The following TTC28 variants were observed in gnomAD, a reference collection of about 807,000 sequenced individuals.
TTC28 encodes tetratricopeptide repeat protein 28.
In TTC28, 61 loss-of-function variants were observed where a neutral mutation model predicts 198.0. The ratio of observed to expected loss-of-function variants is 0.31; its 90% CI spans 0.25 to 0.38. The LOEUF is 0.38. Ranked by LOEUF, TTC28 falls within the 10% of genes least tolerant of loss-of-function variation. The probability of loss-of-function intolerance (pLI) is 1.00; values close to 1 mark genes in which losing one functional copy is unlikely to be tolerated. For synonymous variants in TTC28, 1,171 were observed against 1,297.8 expected (o/e 0.90, Z 2.10); for missense variants, 2,678 against 3,164.0 (o/e 0.85, Z 3.69).
chr22:28,524,236 T>A (rs1179103405), intron 2 of TTC28, among the ~76,000 whole-genome samples: 1 of 151,928 alleles, frequency 6.6e-6, no homozygotes, highest in Non-Finnish European at 1.5e-5. Flanking sequence ...GACGGGCAGA[T>A]CACCAGGTCA....
chr22:28,486,031 A>G (rs909108879), intron 2 of TTC28, among the ~76,000 whole-genome samples: 2 of 152,156 alleles, frequency 1.3e-5, no homozygotes, highest in Admixed American at 6.5e-5. Flanking sequence ...CCATCTTGCC[A>G]AAAAGAAGAC....
chr22:28,407,901 C>T (rs1007937464), intron 2 of TTC28, among the ~76,000 whole-genome samples: 6 of 152,220 alleles, frequency 3.9e-5, no homozygotes, highest in Non-Finnish European at 8.8e-5. Context: ...AATCGAATGT[C>T]ATATAGTCAA....
intron 2 of TTC28, among the ~76,000 whole-genome samples, chr22:28,395,346 G>T (rs1486818583): frequency 6.6e-6 from 1 of 151,868 alleles, no homozygotes; most frequent in African/African-American, 2.4e-5. Flanking sequence ...CCCTTCCAGG[G>T]AGACAAGTGT....
At chr22:28,204,208 C>T (rs1926208580) in intron 5 of TTC28, among the ~76,000 whole-genome samples, 1 of 152,130 alleles carries the variant, frequency 6.6e-6, no homozygotes, top group East Asian at 1.9e-4. Flanking sequence ...CAGAGAAAGA[C>T]ATCCCACTCT....
chr22:28,155,941 C>CT (rs1216163633), intron 6 of TTC28, among the ~76,000 whole-genome samples: 10 of 152,102 alleles, frequency 6.6e-5, no homozygotes, highest in African/African-American at 2.4e-4. Flanking sequence ...GAAAACTCAA[C>CT]TAGTAGGTTG....
intron 2 of TTC28, among the ~76,000 whole-genome samples, chr22:28,408,144 G>A (rs1224645701): frequency 6.6e-6 from 1 of 151,912 alleles, no homozygotes; most frequent in East Asian, 1.9e-4. Context: ...GACTTCCTAA[G>A]AGTTGCACAG....
At chr22:28,338,060 T>C (rs574482450) in intron 2 of TTC28, among the ~76,000 whole-genome samples, 1 of 152,264 alleles carries the variant, frequency 6.6e-6, no homozygotes, top group Non-Finnish European at 1.5e-5. Flanking sequence ...TCTCAGCATT[T>C]GCTTGTCTGT....
chr22:28,096,300 G>T lies in TTC28; in HGVS notation c.3656C>A (p.Pro1219Gln), dbSNP rs1489306473. 1 of 1,551,944 alleles carries T rather than the reference G, an allele frequency of 6.4e-7. No individual in the cohort carries two copies. Among genetic ancestry groups the T allele is most frequent in the African/African-American group, 1.4e-5 (1 of 73,156 alleles). ...TGQQDSDPYS[P>Q]VTIDQILEMV... ...CTCTAAGATCTGATCAATAGTGACT[G>T]GGGAGTAGGGGTCGGAGTCTTGTTG... Residue 1219 changes from proline (P) to glutamine (Q), a missense_variant, in exon 11 of 23, where the codon CCA becomes CAA. Coordinates refer to ENST00000397906, the MANE Select transcript of TTC28 (RefSeq NM_001145418.2).
At chr22:28,623,638 A>G (rs2146191624) in intron 2 of TTC28, among the ~76,000 whole-genome samples, 1 of 152,352 alleles carries the variant, frequency 6.6e-6, no homozygotes, top group Admixed American at 6.5e-5. Flanking sequence ...GATAAACCAC[A>G]TGCAAGGCCA....
chr22:28,329,700 A>AT, intron 2 of TTC28, among the ~76,000 whole-genome samples: 1 of 152,136 alleles, frequency 6.6e-6, no homozygotes, highest in African/African-American at 2.4e-5. Context: ...TTAGGTAGTT[A>AT]TTTATGTGAC....
intron 5 of TTC28, among the ~76,000 whole-genome samples, chr22:28,277,197 G>T (rs969091008): frequency 6.6e-6 from 1 of 152,302 alleles, no homozygotes; most frequent in Admixed American, 6.5e-5. Flanking sequence ...GTCTGCAGAA[G>T]AATATGTATT....
chr22:28,546,305 G>C (rs1055348492), intron 2 of TTC28, among the ~76,000 whole-genome samples: 1 of 152,158 alleles, frequency 6.6e-6, no homozygotes, highest in African/African-American at 2.4e-5. Context: ...AATTAGCCAG[G>C]TGTGGTGGTG....
At chr22:28,412,988 C>T (rs1014241508) in intron 2 of TTC28, among the ~76,000 whole-genome samples, 2 of 152,118 alleles carry the variant, frequency 1.3e-5, no homozygotes, top group East Asian at 1.9e-4. Flanking sequence ...ACTAGAGTTC[C>T]GTAACTTTTT....
chr22:28,394,850 T>C (rs1019433218), intron 2 of TTC28, among the ~76,000 whole-genome samples: 4 of 152,166 alleles, frequency 2.6e-5, no homozygotes, highest in African/African-American at 7.2e-5. Context: ...CCCCAGTTGC[T>C]TGATATTTTG....
At chr22:28,464,435 G>C (rs889137860) in intron 2 of TTC28, among the ~76,000 whole-genome samples, 2 of 152,188 alleles carry the variant, frequency 1.3e-5, no homozygotes, top group Non-Finnish European at 2.9e-5. Context: ...CATAAGACTA[G>C]TGAGGAAGCA....
At chr22:28,201,240 A>G (rs1021008255) in intron 5 of TTC28, among the ~76,000 whole-genome samples, 4 of 152,180 alleles carry the variant, frequency 2.6e-5, no homozygotes, top group African/African-American at 9.7e-5. Context: ...TTGAGCATCT[A>G]TGATCTGCCA....
At chr22:28,466,816 T>TACACAC (rs1250614587) in intron 2 of TTC28, among the ~76,000 whole-genome samples, 11 of 70,582 alleles carry the variant, frequency 1.6e-4, no homozygotes, top group East Asian at 6.3e-4. Flanking sequence ...ATTATATACA[T>TACACAC]ACATACACAC....
At chr22:28,515,643 A>G (rs2048771030) in intron 2 of TTC28, among the ~76,000 whole-genome samples, 2 of 152,120 alleles carry the variant, frequency 1.3e-5, no homozygotes, top group Admixed American at 6.6e-5. Flanking sequence ...GGGGCTCAGC[A>G]TCTCTTCATT....
chr22:28,036,903 T>A (rs1206913678), intron 12 of TTC28, among the ~76,000 whole-genome samples: 2 of 152,040 alleles, frequency 1.3e-5, no homozygotes, highest in South Asian at 2.1e-4. Flanking sequence ...TCTACGCAAA[T>A]AAACTAGAAA....
Sources: allele counts gnomAD v4.1 joint callset (sites outside exome capture counted in the v4.1 genomes callset), GRCh38; gene constraint gnomAD v4.1.1; transcripts MANE v1.5; gene names NCBI Gene and HGNC (gene_info 2026-07-23, HGNC 2026-07-21).